The following TENM3 variants were observed in gnomAD, a reference collection of about 807,000 sequenced individuals.
TENM3 encodes teneurin transmembrane protein 3, also known as teneurin-3.
TENM3 carries 63 observed loss-of-function variants against 255.1 expected under a neutral mutation model. That is an observed-to-expected ratio of 0.25 (90% CI 0.20 to 0.30). The LOEUF is 0.30. TENM3 is among the 10% of genes least tolerant of loss of function. The pLI is 1.00. For missense variants in TENM3, 2,929 were observed against 3,461.1 expected (o/e 0.85, Z 3.86); for synonymous variants, 1,306 against 1,322.3 (o/e 0.99, Z 0.27).
chr4:182,360,887 T>TC (rs2150775868), intron 3 of TENM3, among the ~76,000 whole-genome samples: 1 of 152,298 alleles, frequency 6.6e-6, no homozygotes, highest in East Asian at 1.9e-4. Flanking sequence ...GTGTAGTGCT[T>TC]CCTTCAGGAG....
chr4:182,287,674 C>T (rs778598141), intron 1 of TENM3, among the ~76,000 whole-genome samples: 9 of 152,012 alleles, frequency 5.9e-5, no homozygotes, highest in East Asian at 1.9e-4. Flanking sequence ...AGTGCAGTGG[C>T]GCGATCTCGG....
At chr4:181,641,554 G>GTATA in the TENM3 span, among the ~76,000 whole-genome samples, 1,386 of 26,464 alleles carry the variant, frequency 0.052, 87 homozygotes, top group African/African-American at 0.068. Context: ...TGGTGTGTGT[G>GTATA]TATATATATA....
chr4:182,577,906 G>C (rs1417866976), intron 3 of TENM3, among the ~76,000 whole-genome samples: 2 of 151,970 alleles, frequency 1.3e-5, no homozygotes, highest in Non-Finnish European at 2.9e-5. Context: ...TCCTGAGGAG[G>C]ATTCCCATTT....
intron 19 of TENM3, among the ~76,000 whole-genome samples, chr4:182,748,194 T>C (rs74578918): frequency 0.056 from 8,480 of 152,284 alleles, 400 homozygotes; most frequent in Admixed American, 0.13. Flanking sequence ...TGTAATATAC[T>C]AAAGGTTCTT....
intron 2 of TENM3, among the ~76,000 whole-genome samples, chr4:182,337,905 T>C (rs1764245380): frequency 6.6e-6 from 1 of 152,196 alleles, no homozygotes; most frequent in Non-Finnish European, 1.5e-5. Flanking sequence ...TCCATTTATA[T>C]AAGGTTCAAG....
intron 24 of TENM3, among the ~76,000 whole-genome samples, chr4:182,778,820 C>T (rs183644892): frequency 7.2e-5 from 11 of 152,086 alleles, no homozygotes; most frequent in South Asian, 2.1e-4. Context: ...CTCATTCATA[C>T]ACAACAAATG....
chr4:182,499,277 T>C (rs951842545), intron 3 of TENM3, among the ~76,000 whole-genome samples: 3 of 152,192 alleles, frequency 2.0e-5, no homozygotes, highest in Non-Finnish European at 4.4e-5. Flanking sequence ...GAAAATAAAT[T>C]ACAGCCTCAA....
At chr4:181,934,482 C>A in the TENM3 span, among the ~76,000 whole-genome samples, 3 of 152,012 alleles carry the variant, frequency 2.0e-5, no homozygotes, top group South Asian at 2.1e-4. Context: ...AAGATTTAAT[C>A]GGTAGCAGTT....
At chr4:181,630,636 C>G in the TENM3 span, among the ~76,000 whole-genome samples, 5 of 152,222 alleles carry the variant, frequency 3.3e-5, no homozygotes, top group South Asian at 6.2e-4. Flanking sequence ...AGTTTCCATG[C>G]AGTTGAGCGG....
At chr4:182,023,400 T>C in the TENM3 span, among the ~76,000 whole-genome samples, 1 of 152,336 alleles carries the variant, frequency 6.6e-6, no homozygotes, top group African/African-American at 2.4e-5. Context: ...TTGAAACCAT[T>C]TGCTTTTGAG....
intron 3 of TENM3, among the ~76,000 whole-genome samples, chr4:182,483,472 G>A (rs866914409): frequency 5.3e-5 from 8 of 152,258 alleles, no homozygotes; most frequent in African/African-American, 7.2e-5. Flanking sequence ...AGGGTCATTT[G>A]ATACCAGTTC....
At chr4:181,621,651 T>A in the TENM3 span, among the ~76,000 whole-genome samples, 11 of 152,216 alleles carry the variant, frequency 7.2e-5, no homozygotes, top group African/African-American at 2.7e-4. Flanking sequence ...ATATTCTGTA[T>A]GTTGCCTCAT....
chr4:182,277,221 TG>T (rs1760061999), intron 1 of TENM3, among the ~76,000 whole-genome samples: 1 of 152,224 alleles, frequency 6.6e-6, no homozygotes, highest in African/African-American at 2.4e-5. Context: ...AATTAGTTTA[TG>T]TTGAGTATGC....
chr4:182,215,442 G>T (rs531682497), intron 1 of TENM3, among the ~76,000 whole-genome samples: 6 of 152,260 alleles, frequency 3.9e-5, no homozygotes, highest in Admixed American at 2.0e-4. Flanking sequence ...AGCTCATCAT[G>T]TGGTGGTGTT....
At chr4:182,670,643 T>C (rs1297562561) in intron 6 of TENM3, among the ~76,000 whole-genome samples, 1 of 152,218 alleles carries the variant, frequency 6.6e-6, no homozygotes, top group Non-Finnish European at 1.5e-5. Flanking sequence ...GTAGTCCAGA[T>C]GGAAAGCAAT....
chr4:182,404,359 T>C (rs1159818171), intron 3 of TENM3, among the ~76,000 whole-genome samples: 2 of 152,200 alleles, frequency 1.3e-5, no homozygotes, highest in African/African-American at 4.8e-5. Flanking sequence ...AAACTACACC[T>C]ACAAAATGAA....
chr4:182,001,618 C>T, the TENM3 span, among the ~76,000 whole-genome samples: 1 of 152,072 alleles, frequency 6.6e-6, no homozygotes, highest in Non-Finnish European at 1.5e-5. Context: ...ACTTTTGCTG[C>T]ATAGTTGTTC....
the TENM3 span, among the ~76,000 whole-genome samples, chr4:181,956,546 A>G: frequency 6.6e-6 from 1 of 152,226 alleles, no homozygotes; most frequent in African/African-American, 2.4e-5. Context: ...CAAATGTGAG[A>G]TGAATGAAAA....
the TENM3 span, among the ~76,000 whole-genome samples, chr4:181,551,806 TA>T: frequency 2.2e-5 from 1 of 45,942 alleles, no homozygotes. Flanking sequence ...AGGCAGTTAA[TA>T]ATATATATAT....
Sources: gnomAD v4.1 joint callset for allele counts (sites outside exome capture counted in the v4.1 genomes callset) on GRCh38, gnomAD v4.1.1 for gene constraint, MANE v1.5 for transcripts, NCBI Gene and HGNC (gene_info 2026-07-23, HGNC 2026-07-21) for gene names.